The following KCNIP4 variants were observed in gnomAD, a reference collection of about 807,000 sequenced individuals.
KCNIP4 encodes Kv channel-interacting protein 4.
A neutral mutation model predicts 34.0 loss-of-function variants in KCNIP4; 12 were observed. That is an observed-to-expected ratio of 0.35 (90% CI 0.23 to 0.57). The LOEUF (loss-of-function observed/expected upper bound fraction) is 0.57, where lower values mean the gene tolerates loss of function less well. KCNIP4 is among the 20% of genes least tolerant of loss of function. The pLI is 0.83. For missense variants in KCNIP4, 238 were observed against 311.7 expected (o/e 0.76, Z 1.78); for synonymous variants, 124 against 102.2 (o/e 1.21, Z -1.29).
chr4:21,639,045 T>C (rs533701973), intron 1 of KCNIP4, among the ~76,000 whole-genome samples: 108 of 152,308 alleles, frequency 7.1e-4, no homozygotes, highest in Admixed American at 3.3e-3. Context: ...TGCTGATTAA[T>C]TGGGTTTTAA....
intron 1 of KCNIP4, among the ~76,000 whole-genome samples, chr4:21,381,904 T>C (rs112686980): frequency 2.0e-5 from 3 of 152,188 alleles, no homozygotes; most frequent in African/African-American, 7.2e-5. Flanking sequence ...ACCAATGGTC[T>C]AGCATGGAGT....
At chr4:21,919,639 T>TC (rs1456537727) in intron 1 of KCNIP4, among the ~76,000 whole-genome samples, 1 of 152,120 alleles carries the variant, frequency 6.6e-6, no homozygotes, top group African/African-American at 2.4e-5. Context: ...ATCATGGGGT[T>TC]CCCATAGCCC....
rs544591521 is a variant in KCNIP4, at chr4:21,886,500, CA to C, written c.61+62070del. ...AACACTTAACCCTAATGTATTTTTA[CA>C]GAGGGAGTAAGCGGATGGGTTTCTG... is the stretch of plus-strand genomic sequence containing the variant. On this transcript the variant is annotated intron_variant, in intron 1 of 8. Coordinates refer to ENST00000382152, the MANE Select transcript of KCNIP4 (RefSeq NM_025221.6). Among the ~76,000 whole-genome samples, 16 of 152,176 alleles carry C rather than the reference CA, an allele frequency of 1.1e-4. No individual in the cohort carries two copies. In the South Asian group the frequency reaches 3.3e-3, roughly 32 times the overall value.
intron 1 of KCNIP4, among the ~76,000 whole-genome samples, chr4:21,733,391 G>A (rs1395101092): frequency 6.6e-6 from 1 of 152,142 alleles, no homozygotes; most frequent in Non-Finnish European, 1.5e-5. Context: ...AAATTTAATA[G>A]AAGAATATGT....
At chr4:21,770,637 C>T (rs986133816) in intron 1 of KCNIP4, among the ~76,000 whole-genome samples, 12 of 152,032 alleles carry the variant, frequency 7.9e-5, no homozygotes, top group African/African-American at 1.9e-4. Context: ...TTTTAATTAC[C>T]GCCATTCTCA....
intron 1 of KCNIP4, among the ~76,000 whole-genome samples, chr4:21,193,862 C>T (rs1219260017): frequency 2.6e-5 from 4 of 152,136 alleles, no homozygotes; most frequent in Admixed American, 6.5e-5. Flanking sequence ...TGAGCCACAG[C>T]GCCTGGCCTA....
intron 1 of KCNIP4, among the ~76,000 whole-genome samples, chr4:21,040,665 T>G (rs1560669465): frequency 6.6e-6 from 1 of 152,224 alleles, no homozygotes; most frequent in East Asian, 1.9e-4. Flanking sequence ...TATATAAAAA[T>G]GAGAATTTAA....
At chr4:21,104,304 T>C (rs1341955930) in intron 1 of KCNIP4, among the ~76,000 whole-genome samples, 2 of 152,194 alleles carry the variant, frequency 1.3e-5, no homozygotes, top group Admixed American at 1.3e-4. Flanking sequence ...TGTGAGATGG[T>C]ATCTCATTGT....
intron 2 of KCNIP4, among the ~76,000 whole-genome samples, chr4:20,859,625 T>C (rs1721976661): frequency 6.6e-6 from 1 of 152,052 alleles, no homozygotes; most frequent in South Asian, 2.1e-4. Context: ...GGAATTCAAA[T>C]CATCTAGGAA....
intron 1 of KCNIP4, among the ~76,000 whole-genome samples, chr4:21,065,538 T>C (rs946134589): frequency 2.0e-5 from 3 of 151,924 alleles, no homozygotes; most frequent in African/African-American, 7.3e-5. Context: ...TATTATAATG[T>C]ACTGCTAAAG....
intron 1 of KCNIP4, among the ~76,000 whole-genome samples, chr4:21,139,793 A>G (rs1443913078): frequency 1.3e-5 from 2 of 152,142 alleles, no homozygotes; most frequent in African/African-American, 2.4e-5. Context: ...AATATCCTAC[A>G]CACTAAATAC....
chr4:20,875,782 A>C (rs76003683), intron 2 of KCNIP4, among the ~76,000 whole-genome samples: 17,078 of 152,176 alleles, frequency 0.11, 1,290 homozygotes, highest in Middle Eastern at 0.17. Context: ...TTGGCCATTC[A>C]AGTTGCTTTT....
chr4:21,558,517 T>TAC (rs1560515613), intron 1 of KCNIP4, among the ~76,000 whole-genome samples: 3 of 151,492 alleles, frequency 2.0e-5, no homozygotes, highest in Admixed American at 6.6e-5. Context: ...AATAAATATA[T>TAC]AAATAAAACA....
chr4:20,765,053 A>G (rs2149369552), intron 3 of KCNIP4, among the ~76,000 whole-genome samples: 1 of 152,328 alleles, frequency 6.6e-6, no homozygotes, highest in Non-Finnish European at 1.5e-5. Context: ...TGACAGAGAC[A>G]TCTTTTTGCT....
intron 3 of KCNIP4, chr4:20,850,183 T>G (rs1430839652): frequency 5.8e-6 from 1 of 171,404 alleles, no homozygotes; most frequent in African/African-American, 2.4e-5. Context: ...TAGGCCTCAA[T>G]CTACATTCAA....
chr4:21,913,868 T>G (rs1728481016), intron 1 of KCNIP4, among the ~76,000 whole-genome samples: 1 of 152,084 alleles, frequency 6.6e-6, no homozygotes, highest in African/African-American at 2.4e-5. Flanking sequence ...TGAAGACTTC[T>G]GAGAAGAGAA....
chr4:21,342,404 C>A (rs916595537), intron 1 of KCNIP4, among the ~76,000 whole-genome samples: 3 of 152,072 alleles, frequency 2.0e-5, no homozygotes, highest in Non-Finnish European at 4.4e-5. Context: ...ATTTTTATAT[C>A]ATTTCCTTTA....
At chr4:21,630,834 G>A (rs1467251430) in intron 1 of KCNIP4, among the ~76,000 whole-genome samples, 3 of 152,138 alleles carry the variant, frequency 2.0e-5, no homozygotes, top group East Asian at 3.9e-4. Context: ...CATGAAAGAT[G>A]TTTCTGTTTT....
chr4:21,709,924 C>T (rs758235170), intron 1 of KCNIP4, among the ~76,000 whole-genome samples: 19 of 152,272 alleles, frequency 1.2e-4, no homozygotes, highest in Non-Finnish European at 2.4e-4. Context: ...TATCCTAGTC[C>T]AACAGCTAAT....
Sources: gnomAD v4.1 joint callset for allele counts (sites outside exome capture counted in the v4.1 genomes callset) on GRCh38, gnomAD v4.1.1 for gene constraint, MANE v1.5 for transcripts, NCBI Gene and HGNC (gene_info 2026-07-23, HGNC 2026-07-21) for gene names.